PAPOLA: variants seen among roughly 807,000 people sequenced by gnomAD.
PAPOLA encodes poly(A) polymerase alpha, also known as polynucleotide adenylyltransferase alpha.
A neutral mutation model predicts 100.6 loss-of-function variants in PAPOLA; 15 were observed. The ratio of observed to expected loss-of-function variants is 0.15; its 90% CI spans 0.10 to 0.23. The LOEUF (loss-of-function observed/expected upper bound fraction) is 0.23. PAPOLA is among the 10% of genes least tolerant of loss of function. The pLI, the probability that PAPOLA is intolerant of heterozygous loss-of-function variation, is 1.00. For missense variants in PAPOLA, 533 were observed against 884.2 expected (o/e 0.60, Z 5.04); for synonymous variants, 293 against 300.0 (o/e 0.98, Z 0.24).
chr14:96,536,441 C>T (rs911577324), intron 11 of PAPOLA, among the ~76,000 whole-genome samples: 1 of 152,044 alleles, frequency 6.6e-6, no homozygotes, highest in South Asian at 2.1e-4. Context: ...GAAGGTATAG[C>T]TACTACCAAA....
Position 96,520,238 on chromosome 14 carries a change from T to C in PAPOLA, c.182+10T>C. 1 of 1,583,756 alleles carries C rather than the reference T, an allele frequency of 6.3e-7. No individual in the cohort carries two copies. Among genetic ancestry groups the C allele is most frequent in the Non-Finnish European group, 8.6e-7 (1 of 1,166,148 alleles). On this transcript the variant is annotated intron_variant, in intron 2 of 21. Coordinates refer to ENST00000216277, the MANE Select transcript of PAPOLA (RefSeq NM_032632.5). ...AGGAACTGCAGCGCAGGTAAATAGATATTCTATATTTTTTTAACTCGGAAA... is the reference window on the plus strand; with the variant it reads ...AGGAACTGCAGCGCAGGTAAATAGACATTCTATATTTTTTTAACTCGGAAA...
At chr14:96,557,052 G>T (rs1901399808) in intron 19 of PAPOLA, among the ~76,000 whole-genome samples, 1 of 151,940 alleles carries the variant, frequency 6.6e-6, no homozygotes, top group Non-Finnish European at 1.5e-5. Flanking sequence ...TTAATTTTTT[G>T]TTTTTTGTTT....
At chr14:96,520,877 CT>C (rs1309782716) in intron 2 of PAPOLA, 128 bp from the exon 3 acceptor site, 1 of 624,814 alleles carries the variant, frequency 1.6e-6, no homozygotes, top group Non-Finnish European at 2.9e-6. Flanking sequence ...CGAGCGTGCA[CT>C]AACTACAATA....
intron 1 of PAPOLA, among the ~76,000 whole-genome samples, chr14:96,507,305 T>TG (rs1896794668): frequency 6.0e-5 from 6 of 99,212 alleles, no homozygotes; most frequent in African/African-American, 2.3e-4. Flanking sequence ...TTTTTTTTTT[T>TG]GAGACGGAGT....
chr14:96,520,402 A>G (rs1038127436), intron 2 of PAPOLA, among the ~76,000 whole-genome samples, 174 bp downstream of exon 2: 5 of 152,122 alleles, frequency 3.3e-5, no homozygotes, highest in African/African-American at 7.2e-5. Context: ...TTTGAGACGG[A>G]GTCTTGCTCG....
At chr14:96,514,641 A>C (rs540316901) in intron 1 of PAPOLA, among the ~76,000 whole-genome samples, 120 of 152,330 alleles carry the variant, frequency 7.9e-4, no homozygotes, top group Middle Eastern at 6.8e-3. Context: ...AAGTTCCTAA[A>C]TATTTATCCT....
intron 16 of PAPOLA, among the ~76,000 whole-genome samples, chr14:96,550,394 T>C (rs1352438727): frequency 2.0e-5 from 3 of 152,194 alleles, no homozygotes; most frequent in Non-Finnish European, 2.9e-5. Flanking sequence ...TTGTGTACAT[T>C]TTAAGTAAAT....
At chr14:96,553,987 C>G (rs1901078577) in intron 17 of PAPOLA, among the ~76,000 whole-genome samples, 1 of 152,058 alleles carries the variant, frequency 6.6e-6, no homozygotes. Context: ...CTGAATATGT[C>G]CTGTAAGTGT....
chr14:96,531,910 T>G, intron 7 of PAPOLA: 1 of 1,339,050 alleles, frequency 7.5e-7, no homozygotes, highest in Middle Eastern at 2.8e-4. Context: ...TCTTTAGTAA[T>G]GCTTTCAGCA....
At chr14:96,533,032 T>A (rs1899175811) in intron 9 of PAPOLA, 1 of 981,220 alleles carries the variant, frequency 1.0e-6, no homozygotes, top group Non-Finnish European at 1.2e-6. Context: ...TTCTTGTGAT[T>A]GTTTTTTTTT....
Position 96,503,986 on chromosome 14 carries a change from A to G in PAPOLA, c.8+1386A>G, listed in dbSNP as rs145980227. ...GTGATGAAAACGTTTGTTAGACTTA[A>G]CTAACTATACAGGTCTAAAATCTTG... is the stretch of plus-strand genomic sequence containing the variant. On this transcript the variant is annotated intron_variant, in intron 1 of 21. Transcript: ENST00000216277. Among the ~76,000 whole-genome samples the G allele has an allele frequency of 2.4e-3, 364 of 152,352 alleles. 1 individual carries two copies. Among genetic ancestry groups the G allele is most frequent in the Admixed American group, 5.8e-3 (88 of 15,304 alleles).
intron 9 of PAPOLA, chr14:96,533,288 CT>C: frequency 1.0e-6 from 1 of 984,770 alleles, no homozygotes; most frequent in Non-Finnish European, 1.2e-6. Flanking sequence ...GGTGAGGGTT[CT>C]TGGTTTTTAA....
chr14:96,510,172 G>A (rs899747362), intron 1 of PAPOLA, among the ~76,000 whole-genome samples: 5 of 151,486 alleles, frequency 3.3e-5, no homozygotes, highest in South Asian at 2.1e-4. Flanking sequence ...TGGATTTTAC[G>A]GCAGTTTTTA....
chr14:96,522,116 C>CTTTTTTTT (rs754167531), intron 3 of PAPOLA, among the ~76,000 whole-genome samples: 178 of 57,828 alleles, frequency 3.1e-3, no homozygotes, highest in Middle Eastern at 0.03. Context: ...TTCTTTCTTT[C>CTTTTTTTT]TTTTTTTTTT....
intron 7 of PAPOLA, 91 bp downstream of exon 7, chr14:96,531,677 C>T (rs538144961): frequency 1.3e-6 from 2 of 1,535,646 alleles, no homozygotes; most frequent in African/African-American, 1.4e-5. Context: ...CTTTTTATAG[C>T]TATATTGTTA....
intron 16 of PAPOLA, among the ~76,000 whole-genome samples, chr14:96,549,677 G>A (rs1453350232): frequency 2.0e-5 from 3 of 152,088 alleles, no homozygotes; most frequent in Non-Finnish European, 2.9e-5. Flanking sequence ...CATATTTATT[G>A]TAAAATTTTC....
chr14:96,540,488 G>A (rs1899892825), intron 12 of PAPOLA, among the ~76,000 whole-genome samples: 1 of 151,648 alleles, frequency 6.6e-6, no homozygotes, highest in African/African-American at 2.4e-5. Context: ...GAGCTTGTTA[G>A]GATTTTGTTT....
chr14:96,564,095 C>T (rs1380442162), intron 21 of PAPOLA, among the ~76,000 whole-genome samples: 6 of 151,974 alleles, frequency 3.9e-5, no homozygotes, highest in African/African-American at 7.2e-5. Context: ...AAAATTCATT[C>T]CTATCTTTGG....
intron 1 of PAPOLA, among the ~76,000 whole-genome samples, chr14:96,509,182 C>T (rs183685974): frequency 2.4e-4 from 36 of 152,266 alleles, no homozygotes; most frequent in African/African-American, 8.2e-4. Context: ...CAGGCACGCA[C>T]CACCATACGT....
Sources: gnomAD v4.1 joint callset for allele counts (sites outside exome capture counted in the v4.1 genomes callset) on GRCh38, gnomAD v4.1.1 for gene constraint, MANE v1.5 for transcripts, NCBI Gene and HGNC (gene_info 2026-07-23, HGNC 2026-07-21) for gene names.